Variants in DAB1 observed in about 807,000 individuals in gnomAD.
DAB1 encodes the protein DAB adaptor protein 1, also known as disabled homolog 1.
In DAB1, 15 loss-of-function variants were observed where a neutral mutation model predicts 64.6. That is an observed-to-expected ratio of 0.23 (90% CI 0.16 to 0.36). The LOEUF is 0.36. Among genes scored for constraint, DAB1 ranks in the 10% least tolerant of loss-of-function variants. DAB1 has a pLI of 1.00. For missense variants in DAB1, 596 were observed against 706.7 expected, an observed-to-expected ratio of 0.84 and a Z score of 1.78; for synonymous variants, 235 against 251.9, an observed-to-expected ratio of 0.93 and a Z score of 0.64.
In DAB1 at chr1:57,231,418, A is replaced by G. The variant is rs182952433; in HGVS notation, c.67+59546T>C. 3.8e-3 allele frequency among the ~76,000 whole-genome samples: 572 copies of G among 152,298 alleles called. 7 individuals are homozygous for G. The highest frequency in any genetic ancestry group is 0.029 in the South Asian group (138 of 4,828). On this transcript the variant is annotated intron_variant, in intron 2 of 14. Transcript: ENST00000371236. ...CTTCTTCCATTCCACTCTGAGCTTC[A>G]TGAGACCGTCTCTTTCATGTCTGTA...
chr1:57,315,332 A>G (rs1351541078), intron 1 of DAB1, among the ~76,000 whole-genome samples: 8 of 152,192 alleles, frequency 5.3e-5, no homozygotes, highest in Admixed American at 5.2e-4. Context: ...TAACCTCTTG[A>G]GAGCACCAGT....
intron 6 of DAB1, chr1:57,071,297 A>G: frequency 1.5e-6 from 1 of 671,212 alleles, no homozygotes; most frequent in Non-Finnish European, 2.5e-6. Flanking sequence ...CCACCCCTGA[A>G]ATCTTTCTCT....
chr1:58,541,839 C>T (rs1344166047), intron 1 of DAB1, among the ~76,000 whole-genome samples: 4 of 152,140 alleles, frequency 2.6e-5, no homozygotes, highest in African/African-American at 9.6e-5. Context: ...GGTACACACA[C>T]AAAGGACATA....
chr1:57,836,409 G>C (rs140015716), intron 1 of DAB1, among the ~76,000 whole-genome samples: 1 of 152,128 alleles, frequency 6.6e-6, no homozygotes, highest in Admixed American at 6.6e-5. Flanking sequence ...AATCCCTTGG[G>C]TAAGCCACTC....
chr1:58,063,757 T>A (rs961120349), intron 5 of DAB1, among the ~76,000 whole-genome samples: 1 of 152,198 alleles, frequency 6.6e-6, no homozygotes, highest in Non-Finnish European at 1.5e-5. Flanking sequence ...AGGTCCTAGA[T>A]CATCGCTATA....
At chr1:57,981,874 C>T (rs1646074819) in intron 5 of DAB1, among the ~76,000 whole-genome samples, 1 of 152,196 alleles carries the variant, frequency 6.6e-6, no homozygotes, top group African/African-American at 2.4e-5. Flanking sequence ...TATGAGTTTC[C>T]TTTCTCTTAA....
chr1:57,170,545 C>G (rs956894607), intron 2 of DAB1, among the ~76,000 whole-genome samples: 11 of 152,074 alleles, frequency 7.2e-5, no homozygotes, highest in African/African-American at 2.7e-4. Context: ...TTACTATTAA[C>G]CTGCTTTATA....
chr1:58,138,499 A>C (rs1004499577), intron 5 of DAB1, among the ~76,000 whole-genome samples: 1 of 152,162 alleles, frequency 6.6e-6, no homozygotes, highest in South Asian at 2.1e-4. Context: ...AAAAGCACAC[A>C]AACAGGGAAG....
intron 3 of DAB1, among the ~76,000 whole-genome samples, chr1:58,439,728 A>G (rs577488419): frequency 6.6e-6 from 1 of 152,350 alleles, no homozygotes; most frequent in Non-Finnish European, 1.5e-5. Context: ...TGACAGAGAA[A>G]GATTCAAACT....
At chr1:57,751,890 T>G (rs1648570924) in intron 6 of DAB1, among the ~76,000 whole-genome samples, 1 of 152,126 alleles carries the variant, frequency 6.6e-6, no homozygotes. Context: ...CCCTGGAGAA[T>G]TGAATGCGAT....
rs535022524 is a variant in DAB1 at position 58,070,780 on chromosome 1, G to C, written n.387+79731C>G. Among the ~76,000 whole-genome samples, 3 of 152,284 alleles carry C rather than the reference G, an allele frequency of 2.0e-5. No individual in the cohort carries two copies. In the South Asian group the frequency reaches 6.2e-4, roughly 32 times the overall value. ...AGAAGCAGGACAGGAGTGAGGAGGA[G>C]GCAAGGTCACAGTCAGGCTGGAACA... On this transcript the variant is annotated intron_variant and non_coding_transcript_variant, in intron 5 of 20. Coordinates refer to the DAB1 transcript ENST00000485760.
At chr1:57,908,924 G>T (rs1281822580) in intron 5 of DAB1, among the ~76,000 whole-genome samples, 1 of 152,144 alleles carries the variant, frequency 6.6e-6, no homozygotes, top group African/African-American at 2.4e-5. Flanking sequence ...CCATGGTGCT[G>T]CTCTTCACTT....
intron 1 of DAB1, among the ~76,000 whole-genome samples, chr1:57,311,848 T>A (rs1674738469): frequency 6.6e-6 from 1 of 152,182 alleles, no homozygotes; most frequent in African/African-American, 2.4e-5. Flanking sequence ...ACAATGGCAA[T>A]AAACATGATG....
At chr1:57,123,235 T>C (rs1409987310) in intron 4 of DAB1, among the ~76,000 whole-genome samples, 1 of 152,120 alleles carries the variant, frequency 6.6e-6, no homozygotes, top group African/African-American at 2.4e-5. Context: ...ACCTTGGGAA[T>C]GATAGGCCAA....
chr1:57,404,042 A>G (rs973515621), intron 1 of DAB1, among the ~76,000 whole-genome samples: 3 of 152,216 alleles, frequency 2.0e-5, no homozygotes, highest in Admixed American at 6.5e-5. Context: ...AACTGCCACA[A>G]GAGATTACTG....
intron 10 of DAB1, among the ~76,000 whole-genome samples, chr1:57,024,497 C>A (rs1646723342): frequency 6.6e-6 from 1 of 152,122 alleles, no homozygotes; most frequent in African/African-American, 2.4e-5. Flanking sequence ...AGCAATTAAT[C>A]CTGAAATCAT....
At chr1:58,390,864 A>G (rs76165301) in intron 3 of DAB1, among the ~76,000 whole-genome samples, 141 of 152,260 alleles carry the variant, frequency 9.3e-4, no homozygotes, top group African/African-American at 3.3e-3. Context: ...TGTGTAACAA[A>G]TGGAAAGTGT....
At chr1:57,676,719 G>A (rs1646571286) in intron 6 of DAB1, among the ~76,000 whole-genome samples, 1 of 152,108 alleles carries the variant, frequency 6.6e-6, no homozygotes. Flanking sequence ...CCCAATTCTG[G>A]TGAAATTTTT....
At chr1:58,407,647 T>C (rs755418715) in intron 3 of DAB1, among the ~76,000 whole-genome samples, 4 of 152,044 alleles carry the variant, frequency 2.6e-5, no homozygotes, top group Non-Finnish European at 5.9e-5. Flanking sequence ...AGTGCTGAGG[T>C]TGAGAAACTG....
Sources: allele counts gnomAD v4.1 joint callset (sites outside exome capture counted in the v4.1 genomes callset), GRCh38; gene constraint gnomAD v4.1.1; transcripts MANE v1.5; gene names NCBI Gene and HGNC (gene_info 2026-07-23, HGNC 2026-07-21).